The following PTPRD variants were observed in gnomAD, a reference collection of about 807,000 sequenced individuals.
PTPRD encodes the protein receptor-type tyrosine-protein phosphatase delta.
PTPRD carries 34 observed loss-of-function variants against 214.5 expected under a neutral mutation model. That is an observed-to-expected ratio of 0.16 (90% CI 0.12 to 0.21). PTPRD has a LOEUF of 0.21. Ranked by LOEUF, PTPRD falls within the 10% of genes least tolerant of loss-of-function variation. PTPRD has a pLI of 1.00. For synonymous variants in PTPRD, 1,128 were observed against 845.7 expected, an observed-to-expected ratio of 1.33 and a Z score of -5.79; for missense variants, 2,545 against 2,398.7, an observed-to-expected ratio of 1.06 and a Z score of -1.27.
chr9:10,268,028 C>A (rs549621321), intron 3 of PTPRD, among the ~76,000 whole-genome samples: 1 of 151,528 alleles, frequency 6.6e-6, no homozygotes, highest in Non-Finnish European at 1.5e-5. Context: ...TCCCTATAAT[C>A]CCAGTACTTT....
At chr9:8,494,423 C>T (rs1335171300) in intron 26 of PTPRD, among the ~76,000 whole-genome samples, 2 of 152,198 alleles carry the variant, frequency 1.3e-5, no homozygotes, top group Admixed American at 6.5e-5. Context: ...GTTTCCCTAA[C>T]ATTCCAGAGG....
chr9:8,421,762 A>T (rs2094380680), intron 35 of PTPRD, among the ~76,000 whole-genome samples: 1 of 152,166 alleles, frequency 6.6e-6, no homozygotes, highest in Non-Finnish European at 1.5e-5. Context: ...CACCAAAGGT[A>T]GAAAAAAAAG....
At chr9:8,402,362 G>A (rs896937870) in intron 36 of PTPRD, among the ~76,000 whole-genome samples, 2 of 151,996 alleles carry the variant, frequency 1.3e-5, no homozygotes, top group African/African-American at 4.8e-5. Flanking sequence ...GATACAAGGA[G>A]GTATAGTTTT....
At position 9,853,930 on chromosome 9, in the gene PTPRD, A is replaced by G. The variant is rs2061038334; in HGVS notation, c.-368+84577T>C. ...CAATGTGATGTTTCCATCTGTGTAT[A>G]CACTGTGTAATAATCAAATCAAGGT... On this transcript the variant is annotated intron_variant, in intron 5 of 45. Coordinates refer to ENST00000381196, the MANE Select transcript of PTPRD (RefSeq NM_002839.4). Among the ~76,000 whole-genome samples the G allele has an allele frequency of 2.0e-5, 3 of 152,216 alleles. No individual in the cohort carries two copies. The South Asian group carries it at 6.2e-4, about 32-fold the overall frequency.
chr9:9,500,860 C>T (rs936632741), intron 8 of PTPRD, among the ~76,000 whole-genome samples: 8 of 151,794 alleles, frequency 5.3e-5, no homozygotes, highest in Non-Finnish European at 7.4e-5. Flanking sequence ...CAAAGCACAA[C>T]GGATGATTCT....
chr9:9,579,433 T>C (rs1456766403), intron 7 of PTPRD, among the ~76,000 whole-genome samples: 1 of 152,142 alleles, frequency 6.6e-6, no homozygotes, highest in Non-Finnish European at 1.5e-5. Flanking sequence ...AAAATAATTA[T>C]TTTAATTTTT....
intron 8 of PTPRD, among the ~76,000 whole-genome samples, chr9:9,528,447 C>A (rs977016100): frequency 6.6e-6 from 1 of 151,760 alleles, no homozygotes; most frequent in East Asian, 1.9e-4. Flanking sequence ...TTGTCAGGAA[C>A]TGAGAAAGCT....
At chr9:10,490,824 G>A (rs1011529749) in intron 2 of PTPRD, among the ~76,000 whole-genome samples, 5 of 152,066 alleles carry the variant, frequency 3.3e-5, no homozygotes. Flanking sequence ...GAAATTATAT[G>A]TCATTTAGCA....
chr9:9,285,392 C>T (rs908416119), intron 9 of PTPRD, among the ~76,000 whole-genome samples: 19 of 151,718 alleles, frequency 1.3e-4, no homozygotes, highest in Non-Finnish European at 7.4e-5. Context: ...GATAAAGACT[C>T]ATCTATTCTA....
intron 8 of PTPRD, among the ~76,000 whole-genome samples, chr9:9,473,325 T>C (rs2094768358): frequency 6.6e-6 from 1 of 152,216 alleles, no homozygotes; most frequent in Non-Finnish European, 1.5e-5. Flanking sequence ...TTTTTATGTC[T>C]AAATGGTATT....
chr9:9,449,493 G>A (rs1569568428), intron 8 of PTPRD, among the ~76,000 whole-genome samples: 1 of 151,936 alleles, frequency 6.6e-6, no homozygotes, highest in Admixed American at 6.6e-5. Flanking sequence ...TAATGGTCTG[G>A]AAAACTGAGA....
At chr9:8,735,968 C>T (rs1238114405) in intron 11 of PTPRD, among the ~76,000 whole-genome samples, 3 of 151,300 alleles carry the variant, frequency 2.0e-5, no homozygotes, top group African/African-American at 7.3e-5. Flanking sequence ...CACAGAGAGC[C>T]TTGGATGGCG....
intron 11 of PTPRD, among the ~76,000 whole-genome samples, chr9:8,827,410 C>T (rs2154528635): frequency 6.6e-6 from 1 of 152,268 alleles, no homozygotes; most frequent in African/African-American, 2.4e-5. Context: ...GGTTCAAAAC[C>T]AGCCTGGGCA....
In PTPRD at chr9:8,536,348, G is replaced by C. The variant is rs559577016; in HGVS notation, c.353-7569C>G. 4.6e-5 allele frequency among the ~76,000 whole-genome samples: 7 copies of C among 151,758 alleles called. No individual in the cohort carries two copies. In the South Asian group the frequency reaches 1.5e-3, roughly 32 times the overall value. On this transcript the variant is annotated intron_variant, in intron 14 of 45. Transcript: ENST00000381196. Reference sequence around the variant, plus strand: ...TGGACTAGATACGCAAGTTCCATGAGATGTAATAATACTTTAAAAATAGAT... The same window carrying C: ...TGGACTAGATACGCAAGTTCCATGACATGTAATAATACTTTAAAAATAGAT...
chr9:8,631,093 A>G (rs968134023), intron 14 of PTPRD, among the ~76,000 whole-genome samples: 1 of 151,904 alleles, frequency 6.6e-6, no homozygotes, highest in Non-Finnish European at 1.5e-5. Context: ...TCAAATATGA[A>G]CACCTGAAAA....
At chr9:8,332,958 G>A (rs1407193342) in intron 43 of PTPRD, among the ~76,000 whole-genome samples, 2 of 152,212 alleles carry the variant, frequency 1.3e-5, no homozygotes, top group Admixed American at 6.5e-5. Flanking sequence ...AAGGTTCTGG[G>A]TAAGTGAACA....
intron 14 of PTPRD, among the ~76,000 whole-genome samples, chr9:8,581,687 C>A (rs1345001282): frequency 2.0e-5 from 3 of 151,670 alleles, no homozygotes; most frequent in African/African-American, 7.3e-5. Flanking sequence ...GCAAAGCTTG[C>A]AGTGAGCCGA....
intron 39 of PTPRD, among the ~76,000 whole-genome samples, chr9:8,348,077 C>T (rs952430180): frequency 2.6e-5 from 4 of 152,112 alleles, no homozygotes; most frequent in Non-Finnish European, 5.9e-5. Context: ...CAACATAGCA[C>T]ATTTGAATAA....
At chr9:8,679,091 G>A (rs1257730547) in intron 12 of PTPRD, among the ~76,000 whole-genome samples, 1 of 152,136 alleles carries the variant, frequency 6.6e-6, no homozygotes, top group East Asian at 1.9e-4. Context: ...ATGGAAGGTG[G>A]TAGTACAGGA....
Sources: allele counts gnomAD v4.1 joint callset (sites outside exome capture counted in the v4.1 genomes callset), GRCh38; gene constraint gnomAD v4.1.1; transcripts MANE v1.5; gene names NCBI Gene and HGNC (gene_info 2026-07-23, HGNC 2026-07-21).